Variants in ADAD1 observed in about 807,000 individuals in gnomAD.
ADAD1 encodes adenosine deaminase domain-containing protein 1.
ADAD1 carries 46 observed loss-of-function variants against 66.8 expected under a neutral mutation model. The observed-to-expected ratio is 0.69, with a 90% CI of 0.54 to 0.88. ADAD1 has a LOEUF of 0.88. ADAD1 is among the 40% of genes least tolerant of loss of function. ADAD1 has a pLI of 0.00. For missense variants in ADAD1, 617 were observed against 681.8 expected (o/e 0.91, Z 1.06); for synonymous variants, 248 against 229.4 (o/e 1.08, Z -0.73).
At position 122,415,443 on chromosome 4, in the gene ADAD1, A is replaced by T; in HGVS notation, c.1314A>T (p.Ala438=). Residue 438 remains alanine (A), a synonymous_variant, in exon 11 of 13, where the codon GCA becomes GCT. Coordinates refer to ENST00000296513, the MANE Select transcript of ADAD1 (RefSeq NM_139243.4). ...CTATAAAGCAACGTGTTGATGATGC[A>T]CTCACTTCAAAACTTCCAATGTTTT... ...EIAIKQRVDD[A]LTSKLPMFYL... is the part of the protein sequence containing the mutation. 1 of 1,613,892 alleles carries T rather than the reference A, an allele frequency of 6.2e-7. No homozygotes were observed. Among genetic ancestry groups the T allele is most frequent in the Non-Finnish European group, 8.5e-7 (1 of 1,179,858 alleles).
intron 8 of ADAD1, among the ~76,000 whole-genome samples, chr4:122,408,537 A>T (rs1357364049): frequency 6.6e-6 from 1 of 152,096 alleles, no homozygotes; most frequent in Non-Finnish European, 1.5e-5. Context: ...TGGCCTCCCA[A>T]AGTGCTGGGA....
intron 7 of ADAD1, among the ~76,000 whole-genome samples, chr4:122,406,680 C>T (rs1796227174): frequency 6.6e-6 from 1 of 152,072 alleles, no homozygotes; most frequent in Non-Finnish European, 1.5e-5. Context: ...TACACCATCC[C>T]CTTCACCCCA....
At chr4:122,419,326 G>A (rs111460652) in intron 11 of ADAD1, among the ~76,000 whole-genome samples, 5 of 152,250 alleles carry the variant, frequency 3.3e-5, no homozygotes, top group African/African-American at 1.2e-4. Flanking sequence ...GGAGCTAAAT[G>A]ATGAGAACAC....
At chr4:122,416,665 T>G (rs1164554933) in intron 11 of ADAD1, among the ~76,000 whole-genome samples, 1 of 151,790 alleles carries the variant, frequency 6.6e-6, no homozygotes, top group Non-Finnish European at 1.5e-5. Flanking sequence ...CCTAGGAGTT[T>G]GAAGCTGCAG....
intron 12 of ADAD1, among the ~76,000 whole-genome samples, chr4:122,427,312 A>G (rs1797287801): frequency 6.6e-6 from 1 of 152,188 alleles, no homozygotes; most frequent in Non-Finnish European, 1.5e-5. Context: ...GAAGACCTGT[A>G]CACTGGAAAT....
At chr4:122,406,628 A>G (rs1796224510) in intron 7 of ADAD1, among the ~76,000 whole-genome samples, 1 of 152,166 alleles carries the variant, frequency 6.6e-6, no homozygotes, top group Admixed American at 6.5e-5. Flanking sequence ...TAAACTTCTC[A>G]GTATAGTATA....
At chr4:122,409,009 A>G (rs1304291704) in intron 8 of ADAD1, among the ~76,000 whole-genome samples, 1 of 152,216 alleles carries the variant, frequency 6.6e-6, no homozygotes, top group East Asian at 1.9e-4. Flanking sequence ...TCACCCCTGA[A>G]TTAGCCATAA....
At chr4:122,407,723 C>T (rs1455642890) in intron 7 of ADAD1, among the ~76,000 whole-genome samples, 185 bp from the exon 8 acceptor site, 1 of 152,152 alleles carries the variant, frequency 6.6e-6, no homozygotes, top group African/African-American at 2.4e-5. Flanking sequence ...CATTATAAAA[C>T]ATCTGCCTTT....
intron 5 of ADAD1, 106 bp from the exon 6 acceptor site, chr4:122,393,483 G>A (rs1409391593): frequency 1.2e-5 from 12 of 1,002,882 alleles, no homozygotes; most frequent in African/African-American, 8.3e-5. Context: ...GCAAAAATAC[G>A]GAAAAAAAAA....
chr4:122,387,737 A>C (rs1013481933), intron 5 of ADAD1, among the ~76,000 whole-genome samples: 1 of 150,988 alleles, frequency 6.6e-6, no homozygotes, highest in Non-Finnish European at 1.5e-5. Context: ...TTATATATTG[A>C]GAGGTTTTTT....
chr4:122,379,548 G>C (rs989303213), intron 2 of ADAD1, 103 bp downstream of exon 2: 2 of 153,540 alleles, frequency 1.3e-5, no homozygotes, highest in African/African-American at 2.4e-5. Context: ...TGTGAACCTC[G>C]CGCAGAGCGG....
chr4:122,416,613 G>A (rs1796746570), intron 11 of ADAD1, among the ~76,000 whole-genome samples: 1 of 151,946 alleles, frequency 6.6e-6, no homozygotes, highest in Non-Finnish European at 1.5e-5. Context: ...CATACCTGGA[G>A]TTCCAGCTAT....
intron 12 of ADAD1, among the ~76,000 whole-genome samples, chr4:122,423,451 C>T (rs1259436144): frequency 6.6e-6 from 1 of 152,180 alleles, no homozygotes; most frequent in Non-Finnish European, 1.5e-5. Flanking sequence ...ATCAAGGATA[C>T]AAGCCAAGGG....
chr4:122,415,232 G>A (rs1399656566), intron 10 of ADAD1, 147 bp from the exon 11 acceptor site: 1 of 622,486 alleles, frequency 1.6e-6, no homozygotes, highest in African/African-American at 1.9e-5. Context: ...ATATGGAGTA[G>A]ATGCTAAGAG....
intron 11 of ADAD1, among the ~76,000 whole-genome samples, chr4:122,420,443 A>G (rs1796950053): frequency 6.6e-6 from 1 of 152,224 alleles, no homozygotes; most frequent in South Asian, 2.1e-4. Flanking sequence ...AGCAGTGCCA[A>G]GAAAATAAGA....
intron 7 of ADAD1, among the ~76,000 whole-genome samples, 166 bp from the exon 8 acceptor site, chr4:122,407,742 G>T (rs1796281597): frequency 1.3e-5 from 2 of 152,016 alleles, no homozygotes; most frequent in African/African-American, 4.8e-5. Flanking sequence ...TTTTAATTTT[G>T]CTTCTTAGAA....
chr4:122,421,389 A>G lies in ADAD1; in HGVS notation c.1616A>G (p.Lys539Arg). The change falls in exon 12 of 13, where the codon AAG (lysine) becomes AGG (arginine). Residue 539 changes from lysine (K) to arginine (R), a missense_variant and splice_region_variant. Coordinates refer to ENST00000296513, the MANE Select transcript of ADAD1 (RefSeq NM_139243.4). ...GAAGCTGGTACATATCATGCAGCTAAGGTAAGTCCTTAAAGGAATAAAGTT... is the reference window on the plus strand; with the variant it reads ...GAAGCTGGTACATATCATGCAGCTAGGGTAAGTCCTTAAAGGAATAAAGTT... ...LLEAGTYHAA[K>R]CMSASYQEAK... 1 of 1,583,366 alleles carries G rather than the reference A, an allele frequency of 6.3e-7. No homozygotes were observed. The highest frequency in any genetic ancestry group is 8.6e-7 in the Non-Finnish European group (1 of 1,161,032).
intron 7 of ADAD1, 89 bp from the exon 8 acceptor site, chr4:122,407,819 A>C: frequency 7.5e-7 from 1 of 1,332,150 alleles, no homozygotes; most frequent in Non-Finnish European, 1.0e-6. Context: ...ATATTCTACT[A>C]AATTAAAAAT....
intron 7 of ADAD1, among the ~76,000 whole-genome samples, chr4:122,398,501 A>G (rs1294788800): frequency 6.6e-6 from 1 of 152,016 alleles, no homozygotes; most frequent in African/African-American, 2.4e-5. Context: ...TAGTAGTGGG[A>G]TTGTTGGATC....
Sources: gnomAD v4.1 joint callset for allele counts (sites outside exome capture counted in the v4.1 genomes callset) on GRCh38, gnomAD v4.1.1 for gene constraint, MANE v1.5 for transcripts, NCBI Gene and HGNC (gene_info 2026-07-23, HGNC 2026-07-21) for gene names.